The following TMEFF2 variants were observed in gnomAD, a reference collection of about 807,000 sequenced individuals.
TMEFF2 encodes the protein transmembrane protein with EGF like and two follistatin like domains 2.
Under a neutral mutation model 53.8 loss-of-function variants are expected in TMEFF2, and 28 were observed. The observed-to-expected ratio is 0.52, with a 90% confidence interval of 0.39 to 0.71. The LOEUF (loss-of-function observed/expected upper bound fraction) is 0.71. Ranked by LOEUF, TMEFF2 falls within the 30% of genes least tolerant of loss-of-function variation. The pLI is 0.00. For synonymous variants in TMEFF2, 162 were observed against 166.3 expected, an observed-to-expected ratio of 0.97 and a Z score of 0.20; for missense variants, 353 against 455.2, an observed-to-expected ratio of 0.78 and a Z score of 2.04.
At chr2:191,959,504 C>G (rs1039302090) in intron 7 of TMEFF2, among the ~76,000 whole-genome samples, 1 of 152,104 alleles carries the variant, frequency 6.6e-6, no homozygotes, top group South Asian at 2.1e-4. Context: ...GCTAAAGAGA[C>G]AGAGAATGGC....
intron 4 of TMEFF2, among the ~76,000 whole-genome samples, chr2:192,098,877 A>G (rs548786097): frequency 3.9e-5 from 6 of 152,304 alleles, no homozygotes; most frequent in African/African-American, 1.4e-4. Context: ...CAGTTTAGTT[A>G]TTCACCAAAA....
intron 5 of TMEFF2, among the ~76,000 whole-genome samples, chr2:192,010,583 A>C (rs1397030076): frequency 6.6e-6 from 1 of 152,084 alleles, no homozygotes; most frequent in East Asian, 1.9e-4. Context: ...ATTTAATTCA[A>C]TTGAATCACA....
chr2:192,125,581 G>A (rs1485683278), intron 4 of TMEFF2, among the ~76,000 whole-genome samples: 1 of 152,068 alleles, frequency 6.6e-6, no homozygotes, highest in East Asian at 1.9e-4. Context: ...TTTAATAAAA[G>A]TTTGTTTCTA....
chr2:192,194,515 A>C lies in TMEFF2; in HGVS notation c.10T>G (p.Trp4Gly). 6.2e-7 allele frequency: 1 copy of C among 1,613,420 alleles called. No homozygotes were observed. Among genetic ancestry groups the C allele is most frequent in the Non-Finnish European group, 8.5e-7 (1 of 1,179,946 alleles). ...CTGCTGCACTGCCGCGGGGACTCCCACAGCACCATGACTAGTTCGTGCAAC... is the reference window on the plus strand; with the variant it reads ...CTGCTGCACTGCCGCGGGGACTCCCCCAGCACCATGACTAGTTCGTGCAAC... Reference protein sequence around the residue: MVLWESPRQCSSWT... With the variant: MVLGESPRQCSSWT... The change falls in exon 1 of 10, where the codon TGG (tryptophan) becomes GGG (glycine). Residue 4 changes from tryptophan (W) to glycine (G), a missense_variant. Physicochemically the swap from Trp to Gly is radical, Grantham distance 184. This residue lies in a region of TMEFF2 where 54 missense variants were observed against 41.8 expected (regional missense o/e 1.29). Transcript: ENST00000272771. This position sits in a 1 kb window ranked among gnomAD's most constrained non-coding sequence, Gnocchi z 4.2.
intron 5 of TMEFF2, among the ~76,000 whole-genome samples, chr2:192,012,776 G>T (rs1174687707): frequency 6.6e-6 from 1 of 152,038 alleles, no homozygotes; most frequent in Non-Finnish European, 1.5e-5. Context: ...AGATTACAGA[G>T]TCACTTGGAT....
Position 191,949,525 on chromosome 2 carries a change from A to T in TMEFF2, c.*786T>A, listed in dbSNP as rs1176821713. The T allele has an allele frequency of 2.0e-6, 2 of 985,252 alleles. No homozygotes were observed. Among genetic ancestry groups the T allele is most frequent in the African/African-American group, 3.5e-5 (2 of 57,208 alleles). 61.0% of individuals were successfully genotyped at this position (985,252 alleles called of 1,614,324 possible). On this transcript the variant is annotated 3_prime_UTR_variant, in exon 10 of 10. Transcript: ENST00000272771. ...CATTTTTCCCCTGGTAATTCCACCC[A>T]CCTAAATGGAATATATTTTGCCACT...
intron 4 of TMEFF2, among the ~76,000 whole-genome samples, chr2:192,162,048 G>A (rs907597629): frequency 6.6e-6 from 1 of 152,154 alleles, no homozygotes; most frequent in Non-Finnish European, 1.5e-5. Flanking sequence ...GGATGCCTCA[G>A]GCTGCTTCCT....
In TMEFF2 at chr2:191,953,832, T is replaced by G; in HGVS notation, c.875A>C (p.Asp292Ala). ...ACAGTGTTGTCCAGTATAACCAGCA[T>G]CACACCTGGAAGAAATTATAGTGCC... ...INMQEPSCRCDAGYTGQHCEK... is the reference protein window; with the variant it reads ...INMQEPSCRCAAGYTGQHCEK... The change falls in exon 9 of 10, where the codon GAT becomes GCT. Residue 292 changes from aspartate to alanine, a missense_variant. Coordinates refer to ENST00000272771, the MANE Select transcript of TMEFF2 (RefSeq NM_016192.4). 1.2e-6 allele frequency: 2 copies of G among 1,602,450 alleles called. No homozygotes were observed. Among genetic ancestry groups the G allele is most frequent in the Non-Finnish European group, 1.7e-6 (2 of 1,173,232 alleles).
At chr2:192,154,276 A>G (rs1690455041) in intron 4 of TMEFF2, among the ~76,000 whole-genome samples, 1 of 151,806 alleles carries the variant, frequency 6.6e-6, no homozygotes, top group Non-Finnish European at 1.5e-5. Flanking sequence ...ACTGGGTACA[A>G]CTCTCTCTAG....
chr2:191,956,422 C>A, intron 7 of TMEFF2, 44 bp from the exon 8 acceptor site: 1 of 1,592,784 alleles, frequency 6.3e-7, no homozygotes, highest in Non-Finnish European at 8.5e-7. Flanking sequence ...AAATACTTAG[C>A]CTGGTAAGAT....
chr2:192,077,845 CTTA>C (rs1387390865), intron 4 of TMEFF2, among the ~76,000 whole-genome samples: 1 of 151,858 alleles, frequency 6.6e-6, no homozygotes, highest in Non-Finnish European at 1.5e-5. Flanking sequence ...GTTCTGATTT[CTTA>C]TAAGAGACTT....
chr2:192,075,610 A>T (rs900792072), intron 4 of TMEFF2, among the ~76,000 whole-genome samples: 2 of 151,864 alleles, frequency 1.3e-5, no homozygotes, highest in African/African-American at 4.8e-5. Context: ...ATGTGTTCAC[A>T]TCTAGAAGCA....
chr2:192,088,944 G>A (rs1394476333), intron 4 of TMEFF2, among the ~76,000 whole-genome samples: 1 of 152,034 alleles, frequency 6.6e-6, no homozygotes, highest in African/African-American at 2.4e-5. Context: ...GGTTAATTAT[G>A]GGTATGTGGT....
chr2:191,955,754 CAT>C (rs1410208954), intron 8 of TMEFF2, among the ~76,000 whole-genome samples: 1 of 151,718 alleles, frequency 6.6e-6, no homozygotes, highest in Admixed American at 6.6e-5. Flanking sequence ...TGCACGGCTC[CAT>C]GGGAGAGCAG....
intron 5 of TMEFF2, among the ~76,000 whole-genome samples, chr2:192,016,105 G>T (rs1686738044): frequency 6.6e-6 from 1 of 152,130 alleles, no homozygotes; most frequent in African/African-American, 2.4e-5. Context: ...AGAGAACAAT[G>T]ATGGTACCAA....
chr2:192,001,579 T>C (rs1010955731), intron 5 of TMEFF2, among the ~76,000 whole-genome samples: 2 of 152,140 alleles, frequency 1.3e-5, no homozygotes, highest in East Asian at 3.9e-4. Flanking sequence ...TCATCTTGAA[T>C]TGTAGCTCCC....
chr2:192,082,544 A>G (rs1688577523), intron 4 of TMEFF2, among the ~76,000 whole-genome samples: 1 of 152,194 alleles, frequency 6.6e-6, no homozygotes, highest in Admixed American at 6.5e-5. Flanking sequence ...AAACTTTTAA[A>G]TCATGTGTAT....
chr2:192,174,715 G>T (rs777588873), intron 4 of TMEFF2, among the ~76,000 whole-genome samples: 5 of 151,682 alleles, frequency 3.3e-5, no homozygotes, highest in Non-Finnish European at 7.4e-5. Flanking sequence ...ATGCTTGGTA[G>T]AATTTCTTTA....
intron 4 of TMEFF2, among the ~76,000 whole-genome samples, chr2:192,130,109 C>T (rs1574399302): frequency 6.6e-6 from 1 of 151,920 alleles, no homozygotes; most frequent in Non-Finnish European, 1.5e-5. Context: ...TGTGAGCGTA[C>T]GTATTAACAA....
Sources: gnomAD v4.1 joint callset for allele counts (sites outside exome capture counted in the v4.1 genomes callset) on GRCh38, gnomAD v4.1.1 for gene constraint, gnomAD v4.1.1 regional missense constraint, Gnocchi (gnomAD v3.1) non-coding constraint, MANE v1.5 for transcripts, NCBI Gene and HGNC (gene_info 2026-07-23, HGNC 2026-07-21) for gene names.